GULP1: variants seen among roughly 807,000 people sequenced by gnomAD.
GULP1 encodes PTB domain-containing engulfment adapter protein 1.
In GULP1, 19 loss-of-function variants were observed where a neutral mutation model predicts 40.9. The ratio of observed to expected loss-of-function variants is 0.46; its 90% CI spans 0.32 to 0.68. The LOEUF (loss-of-function observed/expected upper bound fraction) is 0.68. Ranked by LOEUF, GULP1 falls within the 30% of genes least tolerant of loss-of-function variation. The pLI is 0.03. For synonymous variants in GULP1, 119 were observed against 117.6 expected (o/e 1.01, Z -0.08); for missense variants, 312 against 362.2 (o/e 0.86, Z 1.12).
chr2:188,320,220 A>G (rs2039766511), intron 1 of GULP1, among the ~76,000 whole-genome samples: 1 of 152,172 alleles, frequency 6.6e-6, no homozygotes, highest in Admixed American at 6.5e-5. Flanking sequence ...AAAGTTTATT[A>G]GCATCTCTAA....
At chr2:188,442,483 A>T (rs2058023652) in intron 2 of GULP1, among the ~76,000 whole-genome samples, 1 of 152,248 alleles carries the variant, frequency 6.6e-6, no homozygotes, top group Admixed American at 6.5e-5. Context: ...TTATAAAAAT[A>T]AAACAAAAAC....
rs187421614 is a variant in GULP1, at chr2:188,593,025, G to A, written c.844-915G>A. On this transcript the variant is annotated intron_variant, in intron 11 of 11. Coordinates refer to ENST00000409830, the MANE Select transcript of GULP1 (RefSeq NM_016315.4). ...CTGTTAGTAAGAAAAAAAAGGTAGAGTATGTAGAGAGCACTACCACATTTG... is the reference window on the plus strand; with the variant it reads ...CTGTTAGTAAGAAAAAAAAGGTAGAATATGTAGAGAGCACTACCACATTTG... 498 of 152,200 alleles carry A rather than the reference G, an allele frequency of 3.3e-3. 6 individuals are homozygous for A. Among genetic ancestry groups the A allele is most frequent in the African/African-American group, 0.012 (486 of 41,552 alleles). The allele number at this position is 152,200 out of a possible 1,614,324, so 9.4% of individuals were successfully genotyped here.
intron 7 of GULP1, among the ~76,000 whole-genome samples, chr2:188,559,430 C>T (rs1190712786): frequency 6.6e-6 from 1 of 152,206 alleles, no homozygotes; most frequent in East Asian, 1.9e-4. Flanking sequence ...CAGAACTATG[C>T]CGCAGGGGTG....
At chr2:188,366,283 G>A (rs972762363) in intron 1 of GULP1, among the ~76,000 whole-genome samples, 1 of 151,990 alleles carries the variant, frequency 6.6e-6, no homozygotes, top group African/African-American at 2.4e-5. Context: ...ACCAAGAAAC[G>A]GTTTACATGA....
intron 1 of GULP1, among the ~76,000 whole-genome samples, chr2:188,316,524 G>A (rs12619948): frequency 0.16 from 23,867 of 151,998 alleles, 2,149 homozygotes; most frequent in South Asian, 0.26. Flanking sequence ...ATGGCCTCTT[G>A]ATGCCTTTGT....
chr2:188,414,203 C>G (rs1351754909), intron 2 of GULP1, among the ~76,000 whole-genome samples: 12 of 128,090 alleles, frequency 9.4e-5, no homozygotes, highest in Non-Finnish European at 1.6e-4. Flanking sequence ...AGTGACAGAG[C>G]GAGACTCCAT....
At chr2:188,369,900 A>G (rs1402795507) in intron 1 of GULP1, among the ~76,000 whole-genome samples, 1 of 152,020 alleles carries the variant, frequency 6.6e-6, no homozygotes, top group Admixed American at 6.6e-5. Context: ...CTGGAGTGTG[A>G]TGGTGCCATC....
At chr2:188,525,231 T>G (rs552950550) in intron 5 of GULP1, among the ~76,000 whole-genome samples, 3 of 152,064 alleles carry the variant, frequency 2.0e-5, no homozygotes, top group African/African-American at 4.8e-5. Flanking sequence ...TTTCTATTTC[T>G]TAATCATGTT....
chr2:188,443,888 A>G (rs2058159775), intron 2 of GULP1, among the ~76,000 whole-genome samples: 1 of 152,168 alleles, frequency 6.6e-6, no homozygotes, highest in South Asian at 2.1e-4. Flanking sequence ...GAATTTAAAT[A>G]TTTCAATTAA....
rs773928717 is a variant in GULP1, at chr2:188,545,655, A to G, written c.399+4337A>G. On this transcript the variant is annotated intron_variant, in intron 7 of 11. Transcript: ENST00000409830. ...TTAAAAGCCCATAGAGATGCAATGA[A>G]AAGAAAACAGAGAAAGAAAAAAGAT... Among the ~76,000 whole-genome samples, 6 of 152,052 alleles carry G rather than the reference A, an allele frequency of 3.9e-5. No homozygotes were observed. The Middle Eastern group carries it at 0.01, about 259-fold the overall frequency.
intron 9 of GULP1, among the ~76,000 whole-genome samples, chr2:188,572,797 T>G (rs941780712): frequency 5.9e-5 from 9 of 152,146 alleles, no homozygotes; most frequent in African/African-American, 2.2e-4. Context: ...ATATGTGGAA[T>G]CCAAGAAAGT....
intron 1 of GULP1, among the ~76,000 whole-genome samples, chr2:188,318,438 G>C (rs1449598366): frequency 6.6e-6 from 1 of 152,058 alleles, no homozygotes; most frequent in East Asian, 1.9e-4. Context: ...GTGTGCTGAT[G>C]GTATTCAATT....
At chr2:188,296,641 T>C (rs1285618532) in intron 1 of GULP1, among the ~76,000 whole-genome samples, 1 of 152,116 alleles carries the variant, frequency 6.6e-6, no homozygotes, top group Non-Finnish European at 1.5e-5. Context: ...TTAACTTATA[T>C]AGAAATTAAG....
In GULP1 at chr2:188,594,244, G is replaced by A. The variant is rs879498398; in HGVS notation, c.*233G>A. 2 of 313,622 alleles carry A rather than the reference G, an allele frequency of 6.4e-6. No individual in the cohort carries two copies. Among genetic ancestry groups the A allele is most frequent in the Non-Finnish European group, 5.8e-6 (1 of 171,734 alleles). 19.4% of individuals were successfully genotyped at this position (313,622 alleles called of 1,614,324 possible). ...TTTTATGTTCCTTTCTGTTTCTACT[G>A]TAGATGAATTTGTAATTGAAAGACA... On this transcript the variant is annotated 3_prime_UTR_variant, in exon 12 of 12. Transcript: ENST00000409830.
chr2:188,558,003 T>C (rs1375803396), intron 7 of GULP1, among the ~76,000 whole-genome samples: 1 of 152,158 alleles, frequency 6.6e-6, no homozygotes, highest in Non-Finnish European at 1.5e-5. Flanking sequence ...AAGCCTGCAA[T>C]GGGAGGGTAT....
Position 188,529,211 on chromosome 2 carries a change from T to A in GULP1, c.261+16T>A, listed in dbSNP as rs759677599. 208 of 1,164,418 alleles carry A rather than the reference T, an allele frequency of 1.8e-4. 1 individual carries two copies. The highest frequency in any genetic ancestry group is 2.4e-4 in the Non-Finnish European group (192 of 794,540). 72.1% of individuals were successfully genotyped at this position (1,164,418 alleles called of 1,614,324 possible). ...CAAAACAAAGGTAAGGCTTTTTTTT[T>A]AATGTTAGAGGCAATCTTTAATTAA... On this transcript the variant is annotated intron_variant, in intron 6 of 11. Coordinates refer to ENST00000409830, the MANE Select transcript of GULP1 (RefSeq NM_016315.4).
At chr2:188,590,865 G>C (rs1373391293) in intron 11 of GULP1, 2 of 151,970 alleles carry the variant, frequency 1.3e-5, no homozygotes, top group Non-Finnish European at 2.9e-5. Flanking sequence ...TAGTACTCTG[G>C]GAGAAGATCA....
chr2:188,382,892 G>T (rs13422836), intron 1 of GULP1, among the ~76,000 whole-genome samples: 1 of 152,128 alleles, frequency 6.6e-6, no homozygotes, highest in African/African-American at 2.4e-5. Context: ...AGATGGCTTA[G>T]ATTGAAACAC....
chr2:188,444,580 A>G (rs1306869580), intron 2 of GULP1, among the ~76,000 whole-genome samples: 1 of 152,148 alleles, frequency 6.6e-6, no homozygotes, highest in East Asian at 1.9e-4. Flanking sequence ...GCTTTCCTGA[A>G]CTTTGGGTCA....
Sources: gnomAD v4.1 joint callset for allele counts (sites outside exome capture counted in the v4.1 genomes callset) on GRCh38, gnomAD v4.1.1 for gene constraint, MANE v1.5 for transcripts, NCBI Gene and HGNC (gene_info 2026-07-23, HGNC 2026-07-21) for gene names.